Variants in IL22RA1 observed in about 807,000 individuals in gnomAD.
IL22RA1 encodes the protein interleukin-22 receptor subunit alpha-1.
IL22RA1 carries 25 observed loss-of-function variants against 32.8 expected under a neutral mutation model. The ratio of observed to expected loss-of-function variants is 0.76; its 90% CI spans 0.55 to 1.06. IL22RA1 has a LOEUF of 1.06. Among genes scored for constraint, IL22RA1 ranks in the 50% least tolerant of loss-of-function variants. The pLI, the probability that IL22RA1 is intolerant of heterozygous loss-of-function variation, is 0.00. For missense variants in IL22RA1, 709 were observed against 727.4 expected, an observed-to-expected ratio of 0.97 and a Z score of 0.29; for synonymous variants, 305 against 305.0, an observed-to-expected ratio of 1.00 and a Z score of 0.00.
chr1:24,121,056 G>T lies in IL22RA1; in HGVS notation c.1474C>A (p.Leu492Ile). 1 of 1,614,182 alleles carries T rather than the reference G, an allele frequency of 6.2e-7. No homozygotes were observed. Among genetic ancestry groups the T allele is most frequent in the Non-Finnish European group, 8.5e-7 (1 of 1,180,008 alleles). Residue 492 changes from leucine (L) to isoleucine (I), a missense_variant, in exon 7 of 7, where the codon CTA (leucine) becomes ATA (isoleucine). Leu to Ile is a conservative substitution (Grantham distance 5, BLOSUM62 2). Transcript: ENST00000270800. ...HSGEEGTPQY[L>I]KGQLPLLSSV... Reference sequence around the variant, plus strand: ...GAGAGGAGGGGGAGCTGGCCCTTTAGGTACTGTGGTGTCCCTTCCTCCCCA... The same window carrying T: ...GAGAGGAGGGGGAGCTGGCCCTTTATGTACTGTGGTGTCCCTTCCTCCCCA...
intron 3 of IL22RA1, among the ~76,000 whole-genome samples, chr1:24,136,692 G>A (rs997232792): frequency 6.6e-6 from 1 of 152,236 alleles, no homozygotes; most frequent in Non-Finnish European, 1.5e-5. Context: ...CTCGTGGGCC[G>A]TGGCAAGGAG....
rs56091453 is a variant in IL22RA1 at position 24,128,530 on chromosome 1, CATAT to C, written c.532-255_532-252del. On this transcript the variant is annotated intron_variant, in intron 4 of 6. Coordinates refer to ENST00000270800, the MANE Select transcript of IL22RA1 (RefSeq NM_021258.4). ...ACACACTATATAATGTGGTTATATACATATATATATATATATATAAAATGTGTGG... is the reference window on the plus strand; with the variant it reads ...ACACACTATATAATGTGGTTATATACATATATATATATATAAAATGTGTGG... Among the ~76,000 whole-genome samples the C allele has an allele frequency of 8.9e-3, 1,309 of 147,770 alleles. 26 individuals are homozygous for C. Among genetic ancestry groups the C allele is most frequent in the African/African-American group, 0.03 (1,231 of 40,400 alleles).
chr1:24,121,080 C>T lies in IL22RA1; in HGVS notation c.1450G>A (p.Gly484Arg), dbSNP rs568439273. Residue 484 changes from glycine to arginine, a missense_variant, in exon 7 of 7, where the codon GGG (glycine) becomes AGG (arginine). Transcript: ENST00000270800. Reference protein sequence around the residue: ...RTSDPNVLHSGEEGTPQYLKG... With the variant: ...RTSDPNVLHSREEGTPQYLKG... ...AGGTACTGTGGTGTCCCTTCCTCCCCACTGTGTAGCACATTTGGGTCAGAT... is the reference window on the plus strand; with the variant it reads ...AGGTACTGTGGTGTCCCTTCCTCCCTACTGTGTAGCACATTTGGGTCAGAT... The T allele has an allele frequency of 6.2e-7, 1 of 1,614,196 alleles. No individual in the cohort carries two copies. Among genetic ancestry groups the T allele is most frequent in the Non-Finnish European group, 8.5e-7 (1 of 1,180,032 alleles).
In IL22RA1 at chr1:24,137,323, AG is replaced by A. The variant is rs757609834; in HGVS notation, c.177-15del. ...CTCTCTCCGTACCTGCAGGTCAGGA[AG>A]GGGCCAAGTCACCGTGGTGATGAAA... On this transcript the variant is annotated splice_polypyrimidine_tract_variant and intron_variant, in intron 2 of 6. Coordinates refer to ENST00000270800, the MANE Select transcript of IL22RA1 (RefSeq NM_021258.4). 1 of 1,611,070 alleles carries A rather than the reference AG, an allele frequency of 6.2e-7. No individual in the cohort carries two copies. Among genetic ancestry groups the A allele is most frequent in the Non-Finnish European group, 8.5e-7 (1 of 1,177,640 alleles).
rs10794642 is a variant in IL22RA1 at position 24,138,819 on chromosome 1, C to T, written c.44-105G>A. 544,258 of 1,373,306 alleles carry T rather than the reference C, an allele frequency of 0.4. 113,101 individuals carry two copies. Among genetic ancestry groups the T allele is most frequent in the East Asian group, 0.74 (29,376 of 39,678 alleles). The allele number at this position is 1,373,306 out of a possible 1,614,324, so 85.1% of individuals were successfully genotyped here. On this transcript the variant is annotated intron_variant, in intron 1 of 6. Transcript: ENST00000270800. ...CCCCATATAAATTTCATGCAAAGTG[C>T]CTTTGCTTTCAAGATGCCAGCCTGG...
In IL22RA1 at chr1:24,121,579, C is replaced by T. The variant is rs753622889; in HGVS notation, c.951G>A (p.Gln317=). ...SGPREPAGAP[Q]RHSLSEITYL... Reference sequence around the variant, plus strand: ...AGGTGATCTCGGACAGGCTATGCCGCTGTGGAGCTCCTGCGGGCTCCCTGG... The same window carrying T: ...AGGTGATCTCGGACAGGCTATGCCGTTGTGGAGCTCCTGCGGGCTCCCTGG... Residue 317 remains glutamine (Q), a synonymous_variant, in exon 7 of 7, where the codon CAG becomes CAA. Transcript: ENST00000270800. 6 of 1,612,290 alleles carry T rather than the reference C, an allele frequency of 3.7e-6. No homozygotes were observed. The highest frequency in any genetic ancestry group is 3.4e-6 in the Non-Finnish European group (4 of 1,178,860).
At chr1:24,125,669 C>A (rs781206159) in intron 5 of IL22RA1, among the ~76,000 whole-genome samples, 4 of 152,146 alleles carry the variant, frequency 2.6e-5, no homozygotes, top group Non-Finnish European at 4.4e-5. Context: ...AGCAGCTGTG[C>A]GGTCACAGGG....
intron 4 of IL22RA1, among the ~76,000 whole-genome samples, chr1:24,129,954 C>T (rs1644193712): frequency 6.6e-6 from 1 of 152,156 alleles, no homozygotes; most frequent in African/African-American, 2.4e-5. Context: ...CATTTCCAGC[C>T]TATACCATTG....
intron 6 of IL22RA1, among the ~76,000 whole-genome samples, 158 bp from the exon 7 acceptor site, chr1:24,121,895 C>T (rs534581500): frequency 1.3e-5 from 2 of 152,300 alleles, no homozygotes; most frequent in Admixed American, 6.5e-5. Context: ...AGAGACTCCT[C>T]TAGGTGCAAG....
In IL22RA1 at chr1:24,120,941, C is replaced by T; in HGVS notation, c.1589G>A (p.Trp530Ter). The change falls in exon 7 of 7, where the codon TGG (tryptophan) becomes TAG (stop). Residue 530 changes from tryptophan (W) to a stop codon, truncating the protein, a stop_gained. Transcript: ENST00000270800. LOFTEE classifies it low-confidence loss of function (END_TRUNC). ...CSPSDQGPSP[W>*]GLLESLVCPK... ...ACACACAAGGGACTCCAGCAGGCCC[C>T]AGGGACTTGGACCTTGGTCCGAGGG... 6.2e-7 allele frequency: 1 copy of T among 1,614,246 alleles called. No individual in the cohort carries two copies. The highest frequency in any genetic ancestry group is 1.3e-5 in the African/African-American group (1 of 75,066).
chr1:24,123,383 G>A lies in IL22RA1; in HGVS notation c.711C>T (p.Phe237=), dbSNP rs1429817512. The A allele has an allele frequency of 6.2e-7, 1 of 1,613,944 alleles. No individual in the cohort carries two copies. The highest frequency in any genetic ancestry group is 8.5e-7 in the Non-Finnish European group (1 of 1,180,004). Residue 237 remains phenylalanine (F), a synonymous_variant, in exon 6 of 7, where the codon TTC becomes TTT. Transcript: ENST00000270800. ...WTYSFSGAFL[F]SMGFLVAVLC... The stretch of plus-strand genomic sequence containing the variant: ...GTACTGCGACGAGGAAGCCCATGGA[G>A]AACAGGAAGGCTCCGGAGAAGGAGT...
At chr1:24,121,864 C>A in intron 6 of IL22RA1, 127 bp from the exon 7 acceptor site, 1 of 612,554 alleles carries the variant, frequency 1.6e-6, no homozygotes, top group Non-Finnish European at 2.6e-6. Flanking sequence ...TGCGTCTGTC[C>A]CATATCCCCA....
intron 3 of IL22RA1, among the ~76,000 whole-genome samples, chr1:24,136,323 CAT>C (rs1334193624): frequency 6.6e-6 from 1 of 152,206 alleles, no homozygotes; most frequent in African/African-American, 2.4e-5. Flanking sequence ...GCCGCCCACA[CAT>C]ACAGTTCTAG....
chr1:24,141,734 C>T (rs550752832), intron 1 of IL22RA1, among the ~76,000 whole-genome samples: 42 of 152,294 alleles, frequency 2.8e-4, no homozygotes, highest in African/African-American at 9.9e-4. Flanking sequence ...TGTGTTGCTT[C>T]GGCACTTCCC....
At chr1:24,137,073 C>G in intron 3 of IL22RA1, 58 bp downstream of exon 3, 1 of 1,540,706 alleles carries the variant, frequency 6.5e-7, no homozygotes, top group Non-Finnish European at 8.9e-7. Flanking sequence ...CATCCCACCC[C>G]GCAAACACCT....
rs371277731 is a variant in IL22RA1, at chr1:24,120,941, C to G, written c.1589G>C (p.Trp530Ser). The G allele has an allele frequency of 9.9e-6, 16 of 1,614,246 alleles. No homozygotes were observed. Among genetic ancestry groups the G allele is most frequent in the Non-Finnish European group, 1.3e-5 (15 of 1,180,040 alleles). The change falls in exon 7 of 7, where the codon TGG becomes TCG. Residue 530 changes from tryptophan (W) to serine (S), a missense_variant. By Grantham distance (177) the Trp-to-Ser change is radical. Coordinates refer to ENST00000270800, the MANE Select transcript of IL22RA1 (RefSeq NM_021258.4). Reference sequence around the variant, plus strand: ...ACACACAAGGGACTCCAGCAGGCCCCAGGGACTTGGACCTTGGTCCGAGGG... The same window carrying G: ...ACACACAAGGGACTCCAGCAGGCCCGAGGGACTTGGACCTTGGTCCGAGGG... ...CSPSDQGPSP[W>S]GLLESLVCPK... is the part of the protein sequence containing the mutation.
intron 1 of IL22RA1, among the ~76,000 whole-genome samples, chr1:24,139,337 C>T (rs1351542565): frequency 6.6e-6 from 1 of 152,172 alleles, no homozygotes; most frequent in Non-Finnish European, 1.5e-5. Flanking sequence ...TTTATCCACT[C>T]ATCAGGACAT....
rs547658702 is a variant in IL22RA1 at position 24,126,775 on chromosome 1, G to A, written c.670+1366C>T. Reference sequence around the variant, plus strand: ...TCTGAGCAATACAACGTTTCCCTCCGTCTATGAAAAGAAACACTAATAAAA... The same window carrying A: ...TCTGAGCAATACAACGTTTCCCTCCATCTATGAAAAGAAACACTAATAAAA... On this transcript the variant is annotated intron_variant, in intron 5 of 6. Transcript: ENST00000270800. 6.6e-5 allele frequency among the ~76,000 whole-genome samples: 10 copies of A among 152,168 alleles called. 1 individual carries two copies. Among genetic ancestry groups the A allele is most frequent in the African/African-American group, 9.6e-5 (4 of 41,512 alleles).
chr1:24,125,944 A>G (rs1034555803), intron 5 of IL22RA1, among the ~76,000 whole-genome samples: 6 of 152,206 alleles, frequency 3.9e-5, no homozygotes, highest in Admixed American at 6.5e-5. Flanking sequence ...AGTGTGATTT[A>G]TATAAAAGCT....
Sources: gnomAD v4.1 joint callset for allele counts (sites outside exome capture counted in the v4.1 genomes callset) on GRCh38, gnomAD v4.1.1 for gene constraint, MANE v1.5 for transcripts, NCBI Gene and HGNC (gene_info 2026-07-23, HGNC 2026-07-21) for gene names.